The following MIER2 variants were observed in gnomAD, a reference collection of about 807,000 sequenced individuals.
The protein encoded by MIER2 is MIER family member 2, also known as mesoderm induction early response protein 2.
A neutral mutation model predicts 67.6 loss-of-function variants in MIER2; 30 were observed. That is an observed-to-expected ratio of 0.44 (90% CI 0.33 to 0.60). The LOEUF (loss-of-function observed/expected upper bound fraction) is 0.60. Among genes scored for constraint, MIER2 ranks in the 20% least tolerant of loss-of-function variants. MIER2 has a pLI of 0.02. For synonymous variants in MIER2, 372 were observed against 312.6 expected (o/e 1.19, Z -2.00); for missense variants, 702 against 745.1 (o/e 0.94, Z 0.67).
intron 7 of MIER2, among the ~76,000 whole-genome samples, chr19:316,381 C>A (rs1177757065): frequency 6.6e-6 from 1 of 152,008 alleles, no homozygotes; most frequent in Non-Finnish European, 1.5e-5. Context: ...CAACCTCCAT[C>A]TCCGGGGTTC....
rs746592722 is a variant in MIER2, at chr19:307,401, C to T, written c.1334G>A (p.Arg445Gln). ...DESPAVPLSH[R>Q]PPALADPASY... The stretch of plus-strand genomic sequence containing the variant: ...GGCTGGGTCGGCCAGGGCTGGGGGC[C>T]GATGGGACAGGGGTACAGCGGGGGA... Residue 445 changes from arginine (R) to glutamine (Q), a missense_variant, in exon 13 of 14, where the codon CGG becomes CAG. Coordinates refer to ENST00000264819, the MANE Select transcript of MIER2 (RefSeq NM_017550.3). The T allele has an allele frequency of 6.2e-7, 1 of 1,607,290 alleles. No individual in the cohort carries two copies. Among genetic ancestry groups the T allele is most frequent in the South Asian group, 1.1e-5 (1 of 89,926 alleles).
At chr19:342,598 A>G (rs1972556341) in intron 1 of MIER2, among the ~76,000 whole-genome samples, 1 of 149,486 alleles carries the variant, frequency 6.7e-6, no homozygotes, top group African/African-American at 2.5e-5. Context: ...TAGGTTTTTA[A>G]AAGATCAATC....
chr19:312,338 T>C lies in MIER2; in HGVS notation c.808-66A>G, dbSNP rs566633044. On this transcript the variant is annotated intron_variant, in intron 8 of 13. Transcript: ENST00000264819. ...AGGAGCCGACAGCAAGAACTGTCTA[T>C]ACCATCCAGCGAGTGGCATCAGGGG... 121 of 1,519,094 alleles carry C rather than the reference T, an allele frequency of 8.0e-5. 1 individual carries two copies. The African/African-American group carries it at 1.5e-3, about 18-fold the overall frequency. The allele number at this position is 1,519,094 out of a possible 1,614,324, so 94.1% of individuals were successfully genotyped here.
chr19:316,297 AT>A (rs112050180), intron 7 of MIER2, among the ~76,000 whole-genome samples: 62 of 148,024 alleles, frequency 4.2e-4, no homozygotes, highest in Admixed American at 4.0e-4. Flanking sequence ...TGATATGTAG[AT>A]TTTTTTTTTT....
rs370555952 is a variant in MIER2 at position 336,166 on chromosome 19, G to A, written c.17C>T (p.Ser6Leu). The A allele has an allele frequency of 1.2e-5, 19 of 1,612,826 alleles. No homozygotes were observed. Among genetic ancestry groups the A allele is most frequent in the South Asian group, 1.1e-4 (10 of 91,008 alleles). ...CACGCGAGGACTCTGCCTCCCCAGC[G>A]AGGAGGCCTGCGAAGGAAGAGAGGC... MAEAS[S>L]LGRQSPRVVS... Residue 6 changes from serine to leucine, a missense_variant, in exon 2 of 14, where the codon TCG (serine) becomes TTG (leucine). This residue lies in a region of MIER2 where 320 missense variants were observed against 292.6 expected (regional missense o/e 1.09). Transcript: ENST00000264819.
At chr19:315,960 A>G (rs972961134) in intron 7 of MIER2, among the ~76,000 whole-genome samples, 1 of 152,258 alleles carries the variant, frequency 6.6e-6, no homozygotes, top group African/African-American at 2.4e-5. Flanking sequence ...AAAAGGGCAC[A>G]ATGACTTCAG....
chr19:339,730 G>C (rs984578706), intron 1 of MIER2, among the ~76,000 whole-genome samples: 2 of 150,806 alleles, frequency 1.3e-5, no homozygotes, highest in African/African-American at 2.4e-5. Flanking sequence ...GCCACGTGTC[G>C]TATGACTCAT....
intron 3 of MIER2, among the ~76,000 whole-genome samples, chr19:331,129 T>C (rs1972003217): frequency 6.6e-6 from 1 of 151,922 alleles, no homozygotes; most frequent in Non-Finnish European, 1.5e-5. Flanking sequence ...GAGGCTGAGA[T>C]GGCAGGATCA....
chr19:330,504 G>C (rs999783793), intron 3 of MIER2: 2 of 149,396 alleles, frequency 1.3e-5, no homozygotes, highest in African/African-American at 2.5e-5. Flanking sequence ...AGCCAAGATC[G>C]CGCCACTGCA....
intron 8 of MIER2, 91 bp from the exon 9 acceptor site, chr19:312,363 G>A: frequency 2.3e-6 from 3 of 1,278,524 alleles, no homozygotes; most frequent in Admixed American, 3.7e-5. Context: ...GGCATCAGGG[G>A]CCGTCCACAC....
rs1326115194 is a variant in MIER2, at chr19:307,386, G to A, written c.1349C>T (p.Ala450Val). 1 of 1,607,114 alleles carries A rather than the reference G, an allele frequency of 6.2e-7. No homozygotes were observed. Among genetic ancestry groups the A allele is most frequent in the Admixed American group, 1.7e-5 (1 of 59,216 alleles). Residue 450 changes from alanine to valine, a missense_variant, in exon 13 of 14, where the codon GCC (alanine) becomes GTC (valine). Ala to Val is a moderately conservative substitution (Grantham distance 64). This residue lies in a region of MIER2 where 254 missense variants were observed against 262.8 expected (regional missense o/e 0.97). Transcript: ENST00000264819. ...AGCTGGCTGGTATGAGGCTGGGTCG[G>A]CCAGGGCTGGGGGCCGATGGGACAG... Reference protein sequence around the residue: ...VPLSHRPPALADPASYQPAVT... With the variant: ...VPLSHRPPALVDPASYQPAVT...
At position 344,661 on chromosome 19, in the gene MIER2, A is replaced by G. The variant is rs954985017; in HGVS notation, c.9+113T>C. ...GGCCAGGCGCCCCGGCCGGCCTCAGAGCTCCAGAGCGGGGCTCTCCGTCCC... is the reference window on the plus strand; with the variant it reads ...GGCCAGGCGCCCCGGCCGGCCTCAGGGCTCCAGAGCGGGGCTCTCCGTCCC... On this transcript the variant is annotated intron_variant, in intron 1 of 13. Transcript: ENST00000264819. 12 of 698,336 alleles carry G rather than the reference A, an allele frequency of 1.7e-5. No individual in the cohort carries two copies. The African/African-American group carries it at 2.4e-4, about 14-fold the overall frequency. The allele number at this position is 698,336 out of a possible 1,614,324, so 43.3% of individuals were successfully genotyped here. A position where few individuals can be genotyped will look rare whatever the true frequency, so the allele number is the denominator to read the frequency against.
chr19:344,348 A>G (rs1433683162), intron 1 of MIER2: 2 of 984,498 alleles, frequency 2.0e-6, no homozygotes, highest in African/African-American at 3.5e-5. Flanking sequence ...TGGCGGCCCC[A>G]GCACTCGGCA....
rs916653907 is a variant in MIER2 at position 308,512 on chromosome 19, G to A, written c.1198+65C>T. ...GGCGCCAGGCAGGAGAGGCTCCACC[G>A]GGCCTCACTCACGGCTCCAGACCCG... On this transcript the variant is annotated intron_variant, in intron 12 of 13. Coordinates refer to ENST00000264819, the MANE Select transcript of MIER2 (RefSeq NM_017550.3). The surrounding 1 kb of genome is among the most constrained non-coding windows in gnomAD (Gnocchi z 9.1). 1.3e-5 allele frequency: 19 copies of A among 1,482,232 alleles called. No homozygotes were observed. The highest frequency in any genetic ancestry group is 5.0e-5 in the South Asian group (4 of 80,746). The allele number at this position is 1,482,232 out of a possible 1,614,324, so 91.8% of individuals were successfully genotyped here.
In MIER2 at chr19:306,390, C is replaced by T. The variant is rs1213973651; in HGVS notation, c.*300G>A. ...TGGCCGGCTCTGCCCTGCGTCCCAA[C>T]GGCGGGGTCTCTTCTGTCCCCGGCT... On this transcript the variant is annotated 3_prime_UTR_variant, in exon 14 of 14. Transcript: ENST00000264819. 5 of 544,424 alleles carry T rather than the reference C, an allele frequency of 9.2e-6. No homozygotes were observed. Among genetic ancestry groups the T allele is most frequent in the Admixed American group, 6.5e-5 (2 of 30,968 alleles). 33.7% of individuals were successfully genotyped at this position (544,424 alleles called of 1,614,324 possible). A position where few individuals can be genotyped will look rare whatever the true frequency, so the allele number is the denominator to read the frequency against.
intron 3 of MIER2, among the ~76,000 whole-genome samples, chr19:329,619 T>A (rs973703034): frequency 6.6e-6 from 1 of 152,200 alleles, no homozygotes; most frequent in Non-Finnish European, 1.5e-5. Context: ...CCGGGCAGGA[T>A]GGCTCATGCC....
chr19:344,458 G>A (rs1568242674), intron 1 of MIER2: 6 of 855,732 alleles, frequency 7.0e-6, no homozygotes, highest in African/African-American at 1.8e-5. Context: ...CGCGCCCACC[G>A]GACCCCCGAC....
chr19:309,058 A>C, intron 10 of MIER2, 133 bp from the exon 11 acceptor site: 1 of 1,296,688 alleles, frequency 7.7e-7, no homozygotes, highest in Non-Finnish European at 1.1e-6. Context: ...CAGATAACGC[A>C]AGACCCCCCG....
intron 2 of MIER2, among the ~76,000 whole-genome samples, chr19:335,438 T>C (rs575468070): frequency 6.6e-6 from 1 of 152,288 alleles, no homozygotes; most frequent in South Asian, 2.1e-4. Context: ...GGACCCTCAG[T>C]GGCCACCGCA....
Sources: gnomAD v4.1 joint callset for allele counts (sites outside exome capture counted in the v4.1 genomes callset) on GRCh38, gnomAD v4.1.1 for gene constraint, gnomAD v4.1.1 regional missense constraint, Gnocchi (gnomAD v3.1) non-coding constraint, MANE v1.5 for transcripts, NCBI Gene and HGNC (gene_info 2026-07-23, HGNC 2026-07-21) for gene names.